Variants in USP34 observed in about 807,000 individuals in gnomAD.
USP34 encodes ubiquitin carboxyl-terminal hydrolase 34.
In USP34, 70 loss-of-function variants were observed where a neutral mutation model predicts 460.3. The observed-to-expected ratio is 0.15, with a 90% confidence interval of 0.13 to 0.19. The LOEUF is 0.19. USP34 is among the 10% of genes least tolerant of loss of function. USP34 has a pLI of 1.00. For missense variants in USP34, 3,985 were observed against 4,236.2 expected (o/e 0.94, Z 1.65); for synonymous variants, 1,647 against 1,405.3 (o/e 1.17, Z -3.85).
chr2:61,231,172 T>C (rs780793015), intron 58 of USP34, among the ~76,000 whole-genome samples: 10 of 152,090 alleles, frequency 6.6e-5, no homozygotes, highest in Non-Finnish European at 1.2e-4. Flanking sequence ...TCCATTTATA[T>C]GAAATGGTCA....
chr2:61,218,584 C>A (rs1687470388), intron 67 of USP34, among the ~76,000 whole-genome samples: 2 of 151,206 alleles, frequency 1.3e-5, no homozygotes, highest in African/African-American at 4.9e-5. Flanking sequence ...CCTTTTTTTT[C>A]CTTCCAGGAT....
chr2:61,431,773 G>C (rs996555311), intron 1 of USP34, among the ~76,000 whole-genome samples: 3 of 152,066 alleles, frequency 2.0e-5, no homozygotes, highest in Admixed American at 6.6e-5. Context: ...AGAATCACTT[G>C]AACCCGGGAG....
intron 1 of USP34, among the ~76,000 whole-genome samples, chr2:61,457,026 A>G (rs1380008275): frequency 1.3e-5 from 2 of 151,930 alleles, no homozygotes; most frequent in Non-Finnish European, 2.9e-5. Context: ...CTGTAACCCC[A>G]GCACTTTAAG....
chr2:61,197,705 C>T (rs1686848453), intron 75 of USP34, among the ~76,000 whole-genome samples: 1 of 152,182 alleles, frequency 6.6e-6, no homozygotes, highest in African/African-American at 2.4e-5. Context: ...TCAAGTGATC[C>T]TCCTGCCTCA....
chr2:61,381,493 C>T (rs1692974062), intron 6 of USP34, among the ~76,000 whole-genome samples: 1 of 152,044 alleles, frequency 6.6e-6, no homozygotes, highest in Admixed American at 6.6e-5. Flanking sequence ...AGCATGCCAC[C>T]ACGACCACCT....
intron 37 of USP34, among the ~76,000 whole-genome samples, chr2:61,281,680 G>A (rs1689538530): frequency 6.6e-6 from 1 of 152,034 alleles, no homozygotes; most frequent in Non-Finnish European, 1.5e-5. Flanking sequence ...ATCAAATAAA[G>A]TATCTCAAGG....
intron 1 of USP34, among the ~76,000 whole-genome samples, chr2:61,465,167 A>G (rs995651392): frequency 4.7e-5 from 7 of 149,448 alleles, no homozygotes; most frequent in Admixed American, 1.3e-4. Context: ...AACTTTTATG[A>G]TATGTGTCAA....
chr2:61,268,364 C>A (rs1572886948), intron 41 of USP34, among the ~76,000 whole-genome samples: 1 of 143,126 alleles, frequency 7.0e-6, no homozygotes, highest in Non-Finnish European at 1.5e-5. Context: ...CAGGGTGTAT[C>A]CCTGAAGAGC....
At chr2:61,411,714 C>T (rs1694045663) in intron 2 of USP34, among the ~76,000 whole-genome samples, 1 of 152,082 alleles carries the variant, frequency 6.6e-6, no homozygotes, top group Non-Finnish European at 1.5e-5. Flanking sequence ...CGTTTAGCCC[C>T]AACAAGAAAG....
intron 1 of USP34, among the ~76,000 whole-genome samples, chr2:61,455,204 A>T (rs1416275994): frequency 3.3e-5 from 5 of 150,858 alleles, no homozygotes; most frequent in Non-Finnish European, 7.4e-5. Flanking sequence ...TTTGAGACAG[A>T]GTCTCCGTCT....
chr2:61,288,606 G>A (rs1022021168), intron 34 of USP34, 71 bp downstream of exon 34: 19 of 1,478,014 alleles, frequency 1.3e-5, no homozygotes, highest in African/African-American at 1.2e-4. Context: ...CATTTCTTAA[G>A]CATTAGCATA....
intron 21 of USP34, among the ~76,000 whole-genome samples, chr2:61,323,009 G>A (rs1690972865): frequency 6.6e-6 from 1 of 152,106 alleles, no homozygotes. Context: ...TTGAAAATCA[G>A]TATTAAAATA....
intron 27 of USP34, among the ~76,000 whole-genome samples, chr2:61,310,845 T>C (rs1292879433): frequency 6.6e-6 from 1 of 152,146 alleles, no homozygotes; most frequent in East Asian, 1.9e-4. Context: ...ATGAGTAGTA[T>C]ATGGAAATTT....
intron 1 of USP34, among the ~76,000 whole-genome samples, chr2:61,461,583 G>C (rs1394540713): frequency 6.6e-6 from 1 of 152,026 alleles, no homozygotes; most frequent in East Asian, 1.9e-4. Context: ...TTGAATTCCA[G>C]GGCTCAAGTG....
chr2:61,243,796 G>C (rs951685486), intron 51 of USP34, among the ~76,000 whole-genome samples: 1 of 151,198 alleles, frequency 6.6e-6, no homozygotes, highest in South Asian at 2.1e-4. Context: ...ACTTGAACCA[G>C]AAGTTGGAGG....
At position 61,278,024 on chromosome 2, in the gene USP34, C is replaced by A. The variant is rs141626750; in HGVS notation, c.5433+141G>T. ...TCCCCAGCCACATGGAACTCTGAGT[C>A]GAATTAAACCCTTTTCTTTTGTAAA... On this transcript the variant is annotated intron_variant, in intron 41 of 79. Transcript: ENST00000398571. 8 of 1,080,942 alleles carry A rather than the reference C, an allele frequency of 7.4e-6. 1 individual carries two copies. The South Asian group carries it at 1.6e-4, about 21-fold the overall frequency. 67.0% of individuals were successfully genotyped at this position (1,080,942 alleles called of 1,614,324 possible). A position where few individuals can be genotyped will look rare whatever the true frequency, so the allele number is the denominator to read the frequency against.
chr2:61,294,111 C>T (rs1376635150), intron 32 of USP34, among the ~76,000 whole-genome samples: 2 of 151,934 alleles, frequency 1.3e-5, no homozygotes, highest in African/African-American at 2.4e-5. Context: ...TTTGGGAGGC[C>T]GAGGCGGGTG....
intron 78 of USP34, 183 bp from the exon 79 acceptor site, chr2:61,189,252 A>T (rs1686545575): frequency 1.8e-6 from 1 of 560,592 alleles, no homozygotes; most frequent in Non-Finnish European, 2.8e-6. Flanking sequence ...ACAGCATTTC[A>T]TTAGTTGTTT....
At chr2:61,462,783 C>A (rs1243512290) in intron 1 of USP34, among the ~76,000 whole-genome samples, 19 of 150,920 alleles carry the variant, frequency 1.3e-4, no homozygotes, top group Admixed American at 1.3e-3. Context: ...ACTGCTTGAG[C>A]CCCCCAAGGC....
Sources: allele counts gnomAD v4.1 joint callset (sites outside exome capture counted in the v4.1 genomes callset), GRCh38; gene constraint gnomAD v4.1.1; transcripts MANE v1.5; gene names NCBI Gene and HGNC (gene_info 2026-07-23, HGNC 2026-07-21).